EIF4A3: variants seen among roughly 807,000 people sequenced by gnomAD.
EIF4A3 encodes eukaryotic translation initiation factor 4A3, also known as eukaryotic initiation factor 4A-III.
In EIF4A3, 1 loss-of-function variant was observed where a neutral mutation model predicts 55.6. That is an observed-to-expected ratio of 0.02 (90% CI 0.01 to 0.09). The LOEUF is 0.09. Among genes scored for constraint, EIF4A3 ranks in the 10% least tolerant of loss-of-function variants. The pLI is 1.00. For missense variants in EIF4A3, 221 were observed against 540.7 expected, an observed-to-expected ratio of 0.41 and a Z score of 5.86; for synonymous variants, 194 against 196.3, an observed-to-expected ratio of 0.99 and a Z score of 0.10.
At chr17:80,137,610 TAAC>T in intron 8 of EIF4A3, 109 bp from the exon 9 acceptor site, 1 of 810,282 alleles carries the variant, frequency 1.2e-6, no homozygotes, top group Non-Finnish European at 2.0e-6. Context: ...ATTCGTAAGG[TAAC>T]TGCTCTTAAA....
intron 1 of EIF4A3, among the ~76,000 whole-genome samples, chr17:80,145,012 G>A (rs1012957270): frequency 6.6e-6 from 1 of 152,128 alleles, no homozygotes; most frequent in Non-Finnish European, 1.5e-5. Context: ...GGGGCATAGC[G>A]AAAAATAAGA....
At chr17:80,137,641 C>G (rs2039583520) in intron 8 of EIF4A3, 140 bp from the exon 9 acceptor site, 1 of 679,484 alleles carries the variant, frequency 1.5e-6, no homozygotes, top group Non-Finnish European at 2.4e-6. Flanking sequence ...ATCATCCTAA[C>G]TGGATGTAAA....
intron 11 of EIF4A3, 178 bp downstream of exon 11, chr17:80,135,826 C>G (rs1460276081): frequency 5.5e-6 from 4 of 733,304 alleles, no homozygotes; most frequent in African/African-American, 3.5e-5. Context: ...ACCCAGGAGG[C>G]AGAGGTTGCA....
Position 80,135,445 on chromosome 17 carries a change from T to C in EIF4A3, c.*45A>G. The C allele has an allele frequency of 6.5e-7, 1 of 1,542,472 alleles. No individual in the cohort carries two copies. The highest frequency in any genetic ancestry group is 8.7e-7 in the Non-Finnish European group (1 of 1,145,110). ...GGATCTAAATACTTCCAAACAGGAG[T>C]ACACAGCAGGTGAACAGTCTCCCTC... On this transcript the variant is annotated 3_prime_UTR_variant, in exon 12 of 12. Transcript: ENST00000649764.
intron 9 of EIF4A3, 75 bp downstream of exon 9, chr17:80,137,311 T>C: frequency 3.8e-6 from 5 of 1,330,108 alleles, no homozygotes; most frequent in Non-Finnish European, 5.2e-6. Context: ...GGCCTGCACT[T>C]AGGCGGTACA....
chr17:80,134,876 G>A lies in EIF4A3; in HGVS notation c.*614C>T, dbSNP rs904103931. ...TAGAAAAGTGAGTGAAATGGGCCGG[G>A]TGCAGTGGCTCACGCCTGTAATCCC... On this transcript the variant is annotated 3_prime_UTR_variant, in exon 12 of 12. Coordinates refer to ENST00000649764, the MANE Select transcript of EIF4A3 (RefSeq NM_014740.4). Among the ~76,000 whole-genome samples, 11 of 152,184 alleles carry A rather than the reference G, an allele frequency of 7.2e-5. No homozygotes were observed. The highest frequency in any genetic ancestry group is 1.5e-4 in the Non-Finnish European group (10 of 68,034).
intron 6 of EIF4A3, 199 bp from the exon 7 acceptor site, chr17:80,139,361 G>T: frequency 1.4e-6 from 1 of 719,660 alleles, no homozygotes; most frequent in Non-Finnish European, 2.2e-6. Flanking sequence ...GTGTTATCTG[G>T]TTGAGGGAAT....
intron 1 of EIF4A3, among the ~76,000 whole-genome samples, chr17:80,145,708 T>C (rs1000173409): frequency 1.3e-5 from 2 of 152,116 alleles, no homozygotes; most frequent in African/African-American, 2.4e-5. Context: ...CTCCCTCAAC[T>C]TCCTCACATC....
intron 9 of EIF4A3, 91 bp downstream of exon 9, chr17:80,137,295 G>A (rs2039578815): frequency 9.0e-7 from 1 of 1,109,674 alleles, no homozygotes; most frequent in Middle Eastern, 3.0e-4. Flanking sequence ...ATCCCCCCGG[G>A]TGTGGGGCCT....
At chr17:80,144,000 C>T (rs977152658) in intron 2 of EIF4A3, among the ~76,000 whole-genome samples, 172 bp downstream of exon 2, 2 of 152,162 alleles carry the variant, frequency 1.3e-5, no homozygotes, top group Middle Eastern at 3.4e-3. Flanking sequence ...TGAAAGCTTT[C>T]CACAGTAGAG....
chr17:80,137,917 T>G (rs1006166838), intron 8 of EIF4A3, among the ~76,000 whole-genome samples: 3 of 152,182 alleles, frequency 2.0e-5, no homozygotes, highest in Non-Finnish European at 2.9e-5. Flanking sequence ...AATCTGAATC[T>G]TTAGGGGTGG....
chr17:80,139,936 C>G, intron 5 of EIF4A3, 72 bp downstream of exon 5: 1 of 1,559,468 alleles, frequency 6.4e-7, no homozygotes, highest in Non-Finnish European at 8.7e-7. Flanking sequence ...AAATCGAAAG[C>G]TGTCCTGTAC....
intron 3 of EIF4A3, 32 bp downstream of exon 3, chr17:80,141,750 C>G (rs1555605755): frequency 1.3e-6 from 2 of 1,580,580 alleles, no homozygotes; most frequent in South Asian, 2.2e-5. Flanking sequence ...CCTAGAATTA[C>G]ATAACAGTTT....
intron 1 of EIF4A3, among the ~76,000 whole-genome samples, chr17:80,144,664 T>C (rs2039644571): frequency 6.6e-6 from 1 of 150,994 alleles, no homozygotes; most frequent in Non-Finnish European, 1.5e-5. Context: ...ATACTACTTT[T>C]TAAATTAAAA....
At chr17:80,138,596 G>T in intron 7 of EIF4A3, 2 of 364,252 alleles carry the variant, frequency 5.5e-6, no homozygotes, top group Non-Finnish European at 5.1e-6. Flanking sequence ...TATAAAAGAT[G>T]GGTTGTTTTG....
chr17:80,145,968 G>C (rs922717371), intron 1 of EIF4A3, among the ~76,000 whole-genome samples: 1 of 151,818 alleles, frequency 6.6e-6, no homozygotes, highest in Non-Finnish European at 1.5e-5. Flanking sequence ...GCCTTGCCTC[G>C]CCTCACCTCA....
intron 10 of EIF4A3, 22 bp from the exon 11 acceptor site, chr17:80,136,153 A>T (rs1403006186): frequency 6.2e-7 from 1 of 1,613,890 alleles, no homozygotes; most frequent in African/African-American, 1.3e-5. Flanking sequence ...AAATAATATT[A>T]CAGTTAGTAT....
chr17:80,139,208 C>G, intron 6 of EIF4A3, 46 bp from the exon 7 acceptor site: 1 of 1,606,734 alleles, frequency 6.2e-7, no homozygotes, highest in Non-Finnish European at 8.5e-7. Context: ...GGGCGGCACA[C>G]CCAGAAATGG....
chr17:80,139,039 A>G lies in EIF4A3; in HGVS notation c.710T>C (p.Ile237Thr). ...EMTNKFMTDP[I>T]RILVKRDELT... ...CTCCTACCGTTTCACCAAGATGCGG[A>G]TTGGGTCGGTCATGAACTTGTTGGT... Residue 237 changes from isoleucine (I) to threonine (T), a missense_variant, in exon 7 of 12, where the codon ATC becomes ACC. Ile to Thr is a moderately conservative substitution (Grantham distance 89). Around this residue, in one of 4 missense-constraint regions of EIF4A3, gnomAD observed 93 missense variants for 278.5 expected, o/e 0.33. Coordinates refer to ENST00000649764, the MANE Select transcript of EIF4A3 (RefSeq NM_014740.4). 1 of 1,613,918 alleles carries G rather than the reference A, an allele frequency of 6.2e-7. No individual in the cohort carries two copies. The highest frequency in any genetic ancestry group is 8.5e-7 in the Non-Finnish European group (1 of 1,179,954).
Sources: gnomAD v4.1 joint callset for allele counts (sites outside exome capture counted in the v4.1 genomes callset) on GRCh38, gnomAD v4.1.1 for gene constraint, gnomAD v4.1.1 regional missense constraint, MANE v1.5 for transcripts, NCBI Gene and HGNC (gene_info 2026-07-23, HGNC 2026-07-21) for gene names.